The following ATL1 variants were observed in gnomAD, a reference collection of about 807,000 sequenced individuals.
ATL1 encodes atlastin GTPase 1.
In ATL1, 31 loss-of-function variants were observed where a neutral mutation model predicts 75.5. The ratio of observed to expected loss-of-function variants is 0.41; its 90% CI spans 0.31 to 0.55. ATL1 has a LOEUF of 0.55. Ranked by LOEUF, ATL1 falls within the 20% of genes least tolerant of loss-of-function variation. ATL1 has a pLI of 0.27. For synonymous variants in ATL1, 226 were observed against 233.3 expected (o/e 0.97, Z 0.28); for missense variants, 405 against 662.6 (o/e 0.61, Z 4.27).
chr14:50,566,994 A>G (rs1228787814), intron 1 of ATL1, among the ~76,000 whole-genome samples: 1 of 152,202 alleles, frequency 6.6e-6, no homozygotes, highest in Non-Finnish European at 1.5e-5. Context: ...TTACCATCAT[A>G]ACCATTTTTA....
At chr14:50,630,846 T>C (rs145001596) in intron 13 of ATL1, 94 of 370,410 alleles carry the variant, frequency 2.5e-4, no homozygotes, top group African/African-American at 1.4e-3. Flanking sequence ...TAAGAAAAAA[T>C]ATAAGAGAAT....
Position 50,588,082 on chromosome 14 carries a change from T to C in ATL1, c.282+4T>C, listed in dbSNP as rs1337325727. The C allele has an allele frequency of 6.2e-6, 10 of 1,614,096 alleles. No individual in the cohort carries two copies. In the East Asian group the frequency reaches 6.7e-5, roughly 11 times the overall value. On this transcript the variant is annotated splice_donor_region_variant and intron_variant, in intron 2 of 13. Transcript: ENST00000358385. The stretch of plus-strand genomic sequence containing the variant: ...GTTGAGATACATGTACAACCAGGTA[T>C]GCAGGAAGTACTTTAAAAAGTTTTC...
chr14:50,599,554 G>A (rs1378912749), intron 6 of ATL1, among the ~76,000 whole-genome samples: 1 of 152,090 alleles, frequency 6.6e-6, no homozygotes, highest in Non-Finnish European at 1.5e-5. Context: ...GGAATTTGGA[G>A]ACAACTTAGG....
intron 4 of ATL1, 126 bp from the exon 5 acceptor site, chr14:50,593,720 A>G (rs1005404370): frequency 1.6e-6 from 1 of 637,532 alleles, no homozygotes; most frequent in Non-Finnish European, 2.8e-6. Context: ...TACAAATATC[A>G]TGTAAGCATG....
intron 1 of ATL1, among the ~76,000 whole-genome samples, chr14:50,573,872 C>A (rs887509098): frequency 2.0e-5 from 3 of 152,096 alleles, no homozygotes; most frequent in African/African-American, 4.8e-5. Context: ...ATAAGTTTAA[C>A]CTTTTATTTT....
intron 1 of ATL1, among the ~76,000 whole-genome samples, chr14:50,586,230 TGTCTTA>T (rs2039100536): frequency 6.6e-6 from 1 of 152,216 alleles, no homozygotes; most frequent in African/African-American, 2.4e-5. Flanking sequence ...TTATTATCAT[TGTCTTA>T]GTCACTCTGG....
chr14:50,555,260 C>T (rs2038751514), upstream of ATL1, among the ~76,000 whole-genome samples: 1 of 88,888 alleles, frequency 1.1e-5, no homozygotes, highest in African/African-American at 3.6e-5. Flanking sequence ...TTAGTTCCTT[C>T]ATTTTTGTTT....
intron 4 of ATL1, 135 bp downstream of exon 4, chr14:50,591,774 G>A (rs191641958): frequency 1.5e-5 from 10 of 649,168 alleles, no homozygotes; most frequent in East Asian, 1.1e-4. Context: ...ATTAGCATAC[G>A]AGTTCTCGTG....
At chr14:50,534,507 A>T (rs946519237) in intron 1 of ATL1, among the ~76,000 whole-genome samples, 1 of 152,256 alleles carries the variant, frequency 6.6e-6, no homozygotes, top group Admixed American at 6.5e-5. Context: ...TCCTTTAAGC[A>T]TGTTATTCTT....
At chr14:50,599,059 TAAAC>T (rs1359778151) in intron 6 of ATL1, among the ~76,000 whole-genome samples, 1 of 150,208 alleles carries the variant, frequency 6.7e-6, no homozygotes, top group Non-Finnish European at 1.5e-5. Context: ...CCCTCTAAAA[TAAAC>T]CATGTAGTAA....
chr14:50,578,340 A>G (rs2039025776), intron 1 of ATL1, among the ~76,000 whole-genome samples: 1 of 152,182 alleles, frequency 6.6e-6, no homozygotes, highest in Admixed American at 6.5e-5. Context: ...CCTTGAACAT[A>G]TAAATGTAAA....
At chr14:50,546,792 T>C (rs983946299) in intron 1 of ATL1, among the ~76,000 whole-genome samples, 20 of 152,008 alleles carry the variant, frequency 1.3e-4, no homozygotes, top group African/African-American at 4.3e-4. Context: ...TCAATGAAAG[T>C]AACAAAATCT....
chr14:50,620,768 C>T, intron 9 of ATL1, 42 bp downstream of exon 9: 2 of 1,607,406 alleles, frequency 1.2e-6, no homozygotes, highest in Non-Finnish European at 1.7e-6. Flanking sequence ...ATAGATTTGA[C>T]ATATATTGGA....
chr14:50,549,726 C>T (rs2038678020), intron 1 of ATL1, among the ~76,000 whole-genome samples: 1 of 152,134 alleles, frequency 6.6e-6, no homozygotes, highest in African/African-American at 2.4e-5. Context: ...CTGGAGGTTC[C>T]ACTACCATAT....
At chr14:50,542,674 T>TTGAA (rs2038580965) in intron 1 of ATL1, 1 of 152,126 alleles carries the variant, frequency 6.6e-6, no homozygotes, top group Non-Finnish European at 1.5e-5. Flanking sequence ...ACCCATTATC[T>TTGAA]ATAGGCTCAT....
intron 1 of ATL1, among the ~76,000 whole-genome samples, chr14:50,577,084 A>G (rs2039012795): frequency 6.6e-6 from 1 of 152,050 alleles, no homozygotes; most frequent in Admixed American, 6.6e-5. Context: ...TGTTTTTGAG[A>G]TGGAGTCTTG....
chr14:50,588,213 G>A (rs1364602085), intron 2 of ATL1, 135 bp downstream of exon 2: 1 of 1,166,232 alleles, frequency 8.6e-7, no homozygotes, highest in Non-Finnish European at 1.2e-6. Context: ...AAATGCTGTG[G>A]TGTAACCATT....
At chr14:50,613,478 C>G in intron 7 of ATL1, 127 bp downstream of exon 7, 1 of 729,860 alleles carries the variant, frequency 1.4e-6, no homozygotes, top group Non-Finnish European at 2.4e-6. Context: ...ATTAATGACA[C>G]AGGTGAAGAA....
chr14:50,574,937 G>GTGTCTATATA (rs1475087119), intron 1 of ATL1, among the ~76,000 whole-genome samples: 9 of 23,158 alleles, frequency 3.9e-4, no homozygotes, highest in African/African-American at 1.7e-3. Flanking sequence ...GTGTGTGTGT[G>GTGTCTATATA]TATATATATA....
Sources: allele counts gnomAD v4.1 joint callset (sites outside exome capture counted in the v4.1 genomes callset), GRCh38; gene constraint gnomAD v4.1.1; transcripts MANE v1.5; gene names NCBI Gene and HGNC (gene_info 2026-07-23, HGNC 2026-07-21).